PLXNA4: variants seen among roughly 807,000 people sequenced by gnomAD.
PLXNA4 encodes the protein plexin-A4.
A neutral mutation model predicts 191.8 loss-of-function variants in PLXNA4; 44 were observed. The observed-to-expected ratio is 0.23, with a 90% CI of 0.18 to 0.29. The LOEUF (loss-of-function observed/expected upper bound fraction) is 0.29, where lower values mean the gene tolerates loss of function less well. PLXNA4 is among the 10% of genes least tolerant of loss of function. PLXNA4 has a pLI of 1.00. For synonymous variants in PLXNA4, 1,082 were observed against 1,009.5 expected (o/e 1.07, Z -1.36); for missense variants, 1,800 against 2,488.8 (o/e 0.72, Z 5.89).
intron 3 of PLXNA4, among the ~76,000 whole-genome samples, chr7:132,403,988 C>A (rs191971836): frequency 9.2e-5 from 14 of 152,258 alleles, no homozygotes; most frequent in Middle Eastern, 6.8e-3. Flanking sequence ...AGCCGGATAA[C>A]GGGTCTGTAG....
At chr7:132,178,195 T>G (rs1796540403) in intron 20 of PLXNA4, among the ~76,000 whole-genome samples, 1 of 152,132 alleles carries the variant, frequency 6.6e-6, no homozygotes, top group Non-Finnish European at 1.5e-5. Context: ...GGAAGAAAGC[T>G]GGAGATTGCT....
Position 132,646,912 on chromosome 7 carries a change from C to T in PLXNA4, c.-202-869G>A, listed in dbSNP as rs547549185. Among the ~76,000 whole-genome samples, 4 of 151,846 alleles carry T rather than the reference C, an allele frequency of 2.6e-5. No homozygotes were observed. In the South Asian group the frequency reaches 8.3e-4, roughly 32 times the overall value. On this transcript the variant is annotated intron_variant, in intron 1 of 4. Transcript: ENST00000378539. ...ACACACACATGCATTCACACGTACA[C>T]CAACATACACACACATGCAGTCACA...
intron 4 of PLXNA4, among the ~76,000 whole-genome samples, chr7:132,244,086 A>G (rs1367272028): frequency 6.6e-6 from 1 of 152,164 alleles, no homozygotes; most frequent in African/African-American, 2.4e-5. Flanking sequence ...AGGTGGGTCC[A>G]TGTGAGACAG....
chr7:132,212,128 T>C (rs1797823472), intron 9 of PLXNA4, among the ~76,000 whole-genome samples: 1 of 152,092 alleles, frequency 6.6e-6, no homozygotes, highest in Admixed American at 6.6e-5. Context: ...GATTCCTCCA[T>C]CTGTGGCACT....
intron 3 of PLXNA4, among the ~76,000 whole-genome samples, chr7:132,308,107 AAG>A (rs1801597774): frequency 6.6e-6 from 1 of 152,196 alleles, no homozygotes; most frequent in African/African-American, 2.4e-5. Context: ...ACAACTCCAG[AAG>A]AGAAAGATGC....
At chr7:132,349,812 A>G (rs1256320262) in intron 3 of PLXNA4, among the ~76,000 whole-genome samples, 3 of 152,092 alleles carry the variant, frequency 2.0e-5, no homozygotes, top group Non-Finnish European at 2.9e-5. Flanking sequence ...CAATTTCTGT[A>G]TCTTGCCATC....
chr7:132,533,307 C>T (rs1044491729), intron 1 of PLXNA4, among the ~76,000 whole-genome samples: 5 of 152,156 alleles, frequency 3.3e-5, no homozygotes, highest in Admixed American at 6.5e-5. Context: ...GCTGCCCTTG[C>T]AGTGCTCTGA....
chr7:132,603,226 C>T (rs1401833678), intron 2 of PLXNA4, among the ~76,000 whole-genome samples: 1 of 150,688 alleles, frequency 6.6e-6, no homozygotes, highest in Admixed American at 6.6e-5. Flanking sequence ...ACATAGACTG[C>T]TGGGATCTGT....
intron 3 of PLXNA4, among the ~76,000 whole-genome samples, chr7:132,301,531 G>A (rs1801305448): frequency 6.6e-6 from 1 of 152,224 alleles, no homozygotes; most frequent in East Asian, 1.9e-4. Context: ...TCTGGCGGAT[G>A]GCACAGGCTG....
intron 3 of PLXNA4, among the ~76,000 whole-genome samples, chr7:132,471,754 G>T (rs564413963): frequency 6.6e-6 from 1 of 152,154 alleles, no homozygotes; most frequent in Admixed American, 6.5e-5. Flanking sequence ...TCAAACTCTG[G>T]TTCCCCCTTC....
intron 1 of PLXNA4, among the ~76,000 whole-genome samples, chr7:132,540,866 C>A (rs571232177): frequency 6.6e-6 from 1 of 151,972 alleles, no homozygotes; most frequent in South Asian, 2.1e-4. Context: ...GGATTACAGG[C>A]GTGAGCCACC....
At chr7:132,202,510 C>T in intron 12 of PLXNA4, 136 bp downstream of exon 12, 1 of 912,108 alleles carries the variant, frequency 1.1e-6, no homozygotes, top group Non-Finnish European at 1.5e-6. Context: ...AGGGTGCCAT[C>T]CAGCCAGGCA....
rs568469886 is a variant in PLXNA4 at position 132,159,670 on chromosome 7, G to C, written c.4501-38C>G. 3 of 1,609,874 alleles carry C rather than the reference G, an allele frequency of 1.9e-6. 1 individual carries two copies. Among genetic ancestry groups the C allele is most frequent in the Non-Finnish European group, 2.5e-6 (3 of 1,177,338 alleles). ...TGGGGAGAGGAAGCATATGAAATGG[G>C]GTAGCAGGAAAAGCTCCTAGATCCC... On this transcript the variant is annotated intron_variant, in intron 24 of 31. Coordinates refer to ENST00000321063, the MANE Select transcript of PLXNA4 (RefSeq NM_020911.2).
intron 3 of PLXNA4, among the ~76,000 whole-genome samples, chr7:132,300,994 C>A (rs1801283246): frequency 6.6e-6 from 1 of 152,178 alleles, no homozygotes; most frequent in Non-Finnish European, 1.5e-5. Flanking sequence ...TCAAAGGAAG[C>A]CAGTTGACTT....
intron 1 of PLXNA4, among the ~76,000 whole-genome samples, chr7:132,524,255 C>T (rs945422217): frequency 9.2e-5 from 14 of 152,144 alleles, no homozygotes; most frequent in Non-Finnish European, 1.9e-4. Flanking sequence ...ACTTAGGAAC[C>T]TAGAATTTGA....
chr7:132,331,091 C>T (rs1331745059), intron 3 of PLXNA4, among the ~76,000 whole-genome samples: 1 of 152,192 alleles, frequency 6.6e-6, no homozygotes, highest in Non-Finnish European at 1.5e-5. Flanking sequence ...GTAGCAACAA[C>T]TCCTTGGCCA....
Position 132,263,579 on chromosome 7 carries a change from G to A in PLXNA4, c.1504-22413C>T, listed in dbSNP as rs113008403. Among the ~76,000 whole-genome samples the A allele has an allele frequency of 8.4e-3, 1,272 of 152,290 alleles. 28 individuals are homozygous for A. Among genetic ancestry groups the A allele is most frequent in the African/African-American group, 0.029 (1,185 of 41,540 alleles). ...TTTACCCATAGTTAGAAGACAGAGC[G>A]GAGCTGACACTTACAACCTAGCAAA... On this transcript the variant is annotated intron_variant, in intron 4 of 31. Coordinates refer to ENST00000321063, the MANE Select transcript of PLXNA4 (RefSeq NM_020911.2).
At position 132,202,829 on chromosome 7, in the gene PLXNA4, G is replaced by A. The variant is rs1319885529; in HGVS notation, c.2403C>T (p.Leu801=). Residue 801 remains leucine (L), a synonymous_variant, in exon 12 of 32, where the codon CTC becomes CTT. Coordinates refer to ENST00000321063, the MANE Select transcript of PLXNA4 (RefSeq NM_020911.2). ...IDNPAQNKVH[L]YKCGAMRESC... Reference sequence around the variant, plus strand: ...TCTCACGCATGGCTCCACACTTGTAGAGGTGAACTGCAGAGGGGAAGGGCA... The same window carrying A: ...TCTCACGCATGGCTCCACACTTGTAAAGGTGAACTGCAGAGGGGAAGGGCA... 5 of 1,582,670 alleles carry A rather than the reference G, an allele frequency of 3.2e-6. No individual in the cohort carries two copies. The highest frequency in any genetic ancestry group is 4.3e-6 in the Non-Finnish European group (5 of 1,164,370).
At chr7:132,593,733 A>G (rs923313237) in intron 2 of PLXNA4, among the ~76,000 whole-genome samples, 2 of 152,240 alleles carry the variant, frequency 1.3e-5, no homozygotes, top group African/African-American at 4.8e-5. Flanking sequence ...CAGGAGAAAG[A>G]GGGTCTGCCC....
Sources: gnomAD v4.1 joint callset for allele counts (sites outside exome capture counted in the v4.1 genomes callset) on GRCh38, gnomAD v4.1.1 for gene constraint, MANE v1.5 for transcripts, NCBI Gene and HGNC (gene_info 2026-07-23, HGNC 2026-07-21) for gene names.